Variants in ZNF385D observed in about 807,000 individuals in gnomAD.
The protein encoded by ZNF385D is zinc finger protein 659.
ZNF385D carries 15 observed loss-of-function variants against 35.8 expected under a neutral mutation model. The ratio of observed to expected loss-of-function variants is 0.42; its 90% CI spans 0.28 to 0.64. ZNF385D has a LOEUF of 0.64. Among genes scored for constraint, ZNF385D ranks in the 30% least tolerant of loss-of-function variants. The pLI is 0.23. For missense variants in ZNF385D, 474 were observed against 494.6 expected (o/e 0.96, Z 0.39); for synonymous variants, 212 against 186.8 (o/e 1.13, Z -1.10).
chr3:21,590,258 T>G (rs1382166), intron 2 of ZNF385D, among the ~76,000 whole-genome samples: 1 of 151,926 alleles, frequency 6.6e-6, no homozygotes, highest in Non-Finnish European at 1.5e-5. Flanking sequence ...GTTACTATGT[T>G]TATGTATATG....
chr3:22,132,736 A>G (rs1703875246), intron 3 of ZNF385D, among the ~76,000 whole-genome samples: 1 of 152,124 alleles, frequency 6.6e-6, no homozygotes, highest in Non-Finnish European at 1.5e-5. Context: ...TAGTAATATT[A>G]TAAATACTTA....
intron 2 of ZNF385D, among the ~76,000 whole-genome samples, chr3:22,361,194 CA>C (rs1696393156): frequency 6.6e-6 from 1 of 151,918 alleles, no homozygotes; most frequent in South Asian, 2.1e-4. Flanking sequence ...AGCTAATGGA[CA>C]AGATGATTCA....
intron 3 of ZNF385D, among the ~76,000 whole-genome samples, chr3:21,534,914 T>A (rs1408072979): frequency 6.6e-6 from 1 of 152,126 alleles, no homozygotes; most frequent in Non-Finnish European, 1.5e-5. Flanking sequence ...GTGTTTAAAA[T>A]CTGTCTCAAC....
In ZNF385D at chr3:22,137,135, G is replaced by C. The variant is rs574882807; in HGVS notation, c.325+31682C>G. Among the ~76,000 whole-genome samples, 8 of 152,184 alleles carry C rather than the reference G, an allele frequency of 5.3e-5. No homozygotes were observed. The South Asian group carries it at 1.5e-3, about 28-fold the overall frequency. On this transcript the variant is annotated intron_variant, in intron 3 of 5. Transcript: ENST00000494108. Reference sequence around the variant, plus strand: ...ATATTTGGGGAGCTGCGGTATATAAGATCTTTCTGTGTTTTTTACTAATTT... The same window carrying C: ...ATATTTGGGGAGCTGCGGTATATAACATCTTTCTGTGTTTTTTACTAATTT...
intron 3 of ZNF385D, among the ~76,000 whole-genome samples, chr3:21,934,931 A>G (rs760040377): frequency 2.6e-5 from 4 of 152,208 alleles, no homozygotes; most frequent in Non-Finnish European, 5.9e-5. Context: ...GACTGCACAT[A>G]TATTAGCTAT....
At chr3:22,346,413 A>G (rs1695661905) in intron 2 of ZNF385D, among the ~76,000 whole-genome samples, 1 of 152,240 alleles carries the variant, frequency 6.6e-6, no homozygotes, top group Non-Finnish European at 1.5e-5. Context: ...TAACAATCAT[A>G]ACAAGTTAAA....
At chr3:21,810,593 C>G (rs972234405) in intron 3 of ZNF385D, among the ~76,000 whole-genome samples, 5 of 151,212 alleles carry the variant, frequency 3.3e-5, no homozygotes, top group African/African-American at 1.2e-4. Context: ...AAATATAAAC[C>G]AAAACTAATA....
intron 3 of ZNF385D, among the ~76,000 whole-genome samples, chr3:21,952,011 C>G (rs662789): frequency 6.6e-6 from 1 of 151,298 alleles, no homozygotes; most frequent in Non-Finnish European, 1.5e-5. Context: ...CAGGACCTAA[C>G]TGACCCCCTG....
chr3:21,945,406 T>C (rs901705522), intron 3 of ZNF385D, among the ~76,000 whole-genome samples: 2 of 152,180 alleles, frequency 1.3e-5, no homozygotes, highest in African/African-American at 4.8e-5. Flanking sequence ...GTATGTTTTC[T>C]TCATAGAAGA....
chr3:21,563,973 T>C (rs1467576901), intron 3 of ZNF385D, among the ~76,000 whole-genome samples: 1 of 152,154 alleles, frequency 6.6e-6, no homozygotes. Context: ...GAATAACTTG[T>C]GAACCACCAG....
At chr3:21,729,286 A>C (rs1230884542) in intron 1 of ZNF385D, among the ~76,000 whole-genome samples, 1 of 152,138 alleles carries the variant, frequency 6.6e-6, no homozygotes, top group Non-Finnish European at 1.5e-5. Flanking sequence ...CCCTAAAATC[A>C]ATTTGCTTAT....
At chr3:22,286,177 G>T (rs913999367) in intron 2 of ZNF385D, among the ~76,000 whole-genome samples, 1 of 151,926 alleles carries the variant, frequency 6.6e-6, no homozygotes, top group Non-Finnish European at 1.5e-5. Context: ...ATAAAATCTG[G>T]CAAATATTTT....
intron 2 of ZNF385D, among the ~76,000 whole-genome samples, chr3:22,191,922 T>C (rs1201459969): frequency 6.6e-6 from 1 of 151,888 alleles, no homozygotes; most frequent in Admixed American, 6.6e-5. Context: ...AAAAAAACAA[T>C]GGTAATTTCC....
chr3:21,424,314 TA>T lies in ZNF385D; in HGVS notation c.853-251del, dbSNP rs1407673095. Among the ~76,000 whole-genome samples the T allele has an allele frequency of 2.9e-4, 7 of 24,396 alleles. 1 individual carries two copies. Among genetic ancestry groups the T allele is most frequent in the East Asian group, 3.3e-3 (1 of 302 alleles). The allele number at this position is 24,396 out of a possible 152,430, so 16.0% of individuals were successfully genotyped here. ...ATATATATATATTTATATATATATA[TA>T]TATTTTTTTTTTTTTTTGAGATGGA... On this transcript the variant is annotated intron_variant, in intron 6 of 7. Transcript: ENST00000281523.
At chr3:22,204,430 A>G (rs2125248649) in intron 2 of ZNF385D, among the ~76,000 whole-genome samples, 1 of 152,178 alleles carries the variant, frequency 6.6e-6, no homozygotes, top group Admixed American at 6.6e-5. Context: ...TAAAATTAGC[A>G]CTACTTTTCA....
chr3:21,820,974 AC>A (rs1311683358), intron 3 of ZNF385D, among the ~76,000 whole-genome samples: 2 of 152,000 alleles, frequency 1.3e-5, no homozygotes, highest in African/African-American at 4.8e-5. Flanking sequence ...TAATTACAAA[AC>A]CGATTAAAAA....
intron 2 of ZNF385D, among the ~76,000 whole-genome samples, chr3:22,343,863 T>A (rs1215784967): frequency 2.0e-5 from 3 of 152,148 alleles, no homozygotes; most frequent in African/African-American, 7.2e-5. Flanking sequence ...CTAAATTACC[T>A]GGAATGCTTA....
chr3:22,238,965 C>T lies in ZNF385D; in HGVS notation c.107-69930G>A, dbSNP rs1037174636. 5.3e-5 allele frequency among the ~76,000 whole-genome samples: 8 copies of T among 150,154 alleles called. 1 individual carries two copies. The highest frequency in any genetic ancestry group is 2.7e-4 in the Admixed American group (4 of 15,080). ...TGATCACAAACTCGTAGGCTCAAGT[C>T]ACTCTCCTGTCTCGGCGGCCTTAAG... On this transcript the variant is annotated intron_variant, in intron 2 of 5. Transcript: ENST00000494108.
rs1349924653 is a variant in ZNF385D, at chr3:21,414,347, G to C, written c.*6867C>G. The C allele has an allele frequency of 6.6e-6, 1 of 152,018 alleles. No individual in the cohort carries two copies. The allele number at this position is 152,018 out of a possible 1,614,324, so 9.4% of individuals were successfully genotyped here. ...ATGTTCTTTGCATATAGCTCCATGT[G>C]CAGATTAAAAACTATATTTTTAAAA... On this transcript the variant is annotated 3_prime_UTR_variant, in exon 8 of 8. Transcript: ENST00000281523.
Sources: allele counts gnomAD v4.1 joint callset (sites outside exome capture counted in the v4.1 genomes callset), GRCh38; gene constraint gnomAD v4.1.1; transcripts MANE v1.5; gene names NCBI Gene and HGNC (gene_info 2026-07-23, HGNC 2026-07-21).